The following IRS4 variants were observed in gnomAD, a reference collection of about 807,000 sequenced individuals.
The protein encoded by IRS4 is 160 kDa phosphotyrosine protein.
Under a neutral mutation model 48.6 loss-of-function variants are expected in IRS4, and 15 were observed. The observed-to-expected ratio is 0.31, with a 90% CI of 0.21 to 0.48. IRS4 has a LOEUF of 0.48. Ranked by LOEUF, IRS4 falls within the 20% of genes least tolerant of loss-of-function variation. The pLI is 0.99. For synonymous variants in IRS4, 459 were observed against 413.2 expected (o/e 1.11, Z -1.34); for missense variants, 987 against 1,023.4 (o/e 0.96, Z 0.49).
intron 1 of IRS4, among the ~76,000 whole-genome samples, chrX:108,729,129 A>G (rs1188125891): frequency 9.0e-6 from 1 of 111,384 alleles, no homozygotes; most frequent in African/African-American, 3.3e-5. Context: ...AATTTCTGCT[A>G]TATGGAAATT....
rs1160171634 is a variant in IRS4, at chrX:108,720,392, GA to G, written c.*2126del. The G allele has an allele frequency of 5.4e-5, 6 of 112,101 alleles. No homozygotes were observed. The highest frequency in any genetic ancestry group is 1.9e-4 in the African/African-American group (6 of 30,859). 9.2% of individuals were successfully genotyped at this position (112,101 alleles called of 1,213,427 possible). A position where few individuals can be genotyped will look rare whatever the true frequency, so the allele number is the denominator to read the frequency against. ...AATTGTCTGTAAACTAATAAATAAT[GA>G]GAACAAGATTGCATTTGTTATGCAG... On this transcript the variant is annotated 3_prime_UTR_variant, in exon 2 of 2. Transcript: ENST00000372129.
Position 108,721,618 on chromosome X carries a change from A to C in IRS4, c.*901T>G, listed in dbSNP as rs1190534882. 2.7e-5 allele frequency: 3 copies of C among 111,026 alleles called. No individual in the cohort carries two copies. The highest frequency in any genetic ancestry group is 5.7e-5 in the Non-Finnish European group (3 of 52,986). 9.1% of individuals were successfully genotyped at this position (111,026 alleles called of 1,213,427 possible). On this transcript the variant is annotated 3_prime_UTR_variant, in exon 2 of 2. Transcript: ENST00000372129. ...ATGGAGAAAGAATAAGAAAAAGTAG[A>C]ATAGAGGTTGAAAGTGGGGAGAGGC...
intron 1 of IRS4, chrX:108,725,764 G>C (rs765380513): frequency 2.7e-5 from 3 of 111,845 alleles, no homozygotes; most frequent in South Asian, 3.7e-4. Flanking sequence ...TTCATAGATC[G>C]GATGATAAAA....
chrX:108,729,737 A>G (rs994531241), intron 1 of IRS4, among the ~76,000 whole-genome samples: 36 of 111,988 alleles, frequency 3.2e-4, no homozygotes, highest in African/African-American at 1.2e-3. Flanking sequence ...TTACATATTA[A>G]TTTTGTGTTA....
chrX:108,721,369 CA>C lies in IRS4; in HGVS notation c.*1149del, dbSNP rs1286549529. 2 of 109,665 alleles carry C rather than the reference CA, an allele frequency of 1.8e-5. No homozygotes were observed. The highest frequency in any genetic ancestry group is 3.8e-5 in the Non-Finnish European group (2 of 52,542). 9.0% of individuals were successfully genotyped at this position (109,665 alleles called of 1,213,427 possible). ...TAATTCAGTTTACATCAGAGGCAAGCAAAAATAGAACGGGGGGGAGCTTGCT... is the reference window on the plus strand; with the variant it reads ...TAATTCAGTTTACATCAGAGGCAAGCAAAATAGAACGGGGGGGAGCTTGCT... On this transcript the variant is annotated 3_prime_UTR_variant, in exon 2 of 2. Coordinates refer to ENST00000372129, the MANE Select transcript of IRS4 (RefSeq NM_001379150.1).
chrX:108,728,249 A>G (rs1603335216), intron 1 of IRS4, among the ~76,000 whole-genome samples: 2 of 112,227 alleles, frequency 1.8e-5, no homozygotes, highest in East Asian at 5.6e-4. Context: ...CTTTTATTCT[A>G]AGAGCCAGGG....
chrX:108,735,029 C>T lies in IRS4; in HGVS notation c.1316G>A (p.Ser439Asn), dbSNP rs978644179. 1 of 1,211,982 alleles carries T rather than the reference C, an allele frequency of 8.3e-7. No individual in the cohort carries two copies. The highest frequency in any genetic ancestry group is 1.1e-6 in the Non-Finnish European group (1 of 895,591). Reference protein sequence around the residue: ...PASFFRRLAPSPARPRHPAEA... With the variant: ...PASFFRRLAPNPARPRHPAEA... ...TGCAGGGTGCCGGGGACGTGCTGGG[C>T]TGGGTGCTAAGCGGCGAAAAAAGCT... is the stretch of plus-strand genomic sequence containing the variant. The change falls in exon 1 of 2, where the codon AGC (serine) becomes AAC (asparagine). Residue 439 changes from serine to asparagine, a missense_variant. Coordinates refer to ENST00000372129, the MANE Select transcript of IRS4 (RefSeq NM_001379150.1).
chrX:108,735,565 G>C lies in IRS4; in HGVS notation c.780C>G (p.Asp260Glu). Residue 260 changes from aspartate (D) to glutamate (E), a missense_variant, in exon 1 of 2, where the codon GAC becomes GAG. By Grantham distance (45) the Asp-to-Glu change is conservative (BLOSUM62 2). This residue lies in a region of IRS4 where 20 missense variants were observed against 53.9 expected (regional missense o/e 0.37). Transcript: ENST00000372129. ...LSGVFRLCLT[D>E]EEVVFVRLNT... ...TCAGCCTCACAAACACGACCTCCTC[G>C]TCGGTTAGACACAGCCGGAACACGC... The C allele has an allele frequency of 8.3e-7, 1 of 1,209,961 alleles. No homozygotes were observed. Among genetic ancestry groups the C allele is most frequent in the Non-Finnish European group, 1.1e-6 (1 of 895,039 alleles).
intron 1 of IRS4, among the ~76,000 whole-genome samples, chrX:108,728,314 T>C (rs1476707496): frequency 8.9e-6 from 1 of 112,388 alleles, no homozygotes; most frequent in South Asian, 3.7e-4. Flanking sequence ...TCCACAGTTA[T>C]AATGCTCTGA....
rs1351516872 is a variant in IRS4 at position 108,734,894 on chromosome X, C to T, written c.1451G>A (p.Gly484Glu). Reference protein sequence around the residue: ...PQGKEDQEGSGGDYMPMNNWG... With the variant: ...PQGKEDQEGSEGDYMPMNNWG... ...ATTGTTCATAGGCATGTAGTCACCTCCGCTTCCTTCCTGATCTTCTTTGCC... is the reference window on the plus strand; with the variant it reads ...ATTGTTCATAGGCATGTAGTCACCTTCGCTTCCTTCCTGATCTTCTTTGCC... Residue 484 changes from glycine to glutamate, a missense_variant, in exon 1 of 2, where the codon GGA (glycine) becomes GAA (glutamate). Gly to Glu is a moderately conservative substitution (Grantham distance 98, BLOSUM62 -2). Transcript: ENST00000372129. The T allele has an allele frequency of 1.7e-6, 2 of 1,212,078 alleles. No individual in the cohort carries two copies. The highest frequency in any genetic ancestry group is 2.2e-6 in the Non-Finnish European group (2 of 895,622).
chrX:108,723,846 A>G (rs1488865277), intron 1 of IRS4: 3 of 112,557 alleles, frequency 2.7e-5, no homozygotes, highest in Non-Finnish European at 5.6e-5. Flanking sequence ...AGTTCTACAC[A>G]GGAAGAAAGG....
At position 108,734,492 on chromosome X, in the gene IRS4, T is replaced by A. The variant is rs200833387; in HGVS notation, c.1853A>T (p.Lys618Ile). 1 of 1,209,554 alleles carries A rather than the reference T, an allele frequency of 8.3e-7. No individual in the cohort carries two copies. The highest frequency in any genetic ancestry group is 3.0e-5 in the East Asian group (1 of 33,726). The change falls in exon 1 of 2, where the codon AAA (lysine) becomes ATA (isoleucine). Residue 618 changes from lysine (K) to isoleucine (I), a missense_variant. Physicochemically the swap from Lys to Ile is moderately radical, Grantham distance 102. Around this residue, in one of 4 missense-constraint regions of IRS4, gnomAD observed 720 missense variants for 660.3 expected, o/e 1.09. Coordinates refer to ENST00000372129, the MANE Select transcript of IRS4 (RefSeq NM_001379150.1). ...KSLKKRSYFG[K>I]LTQSKQQQMP... ...TTGCTGTTGCTTGCTTTGAGTTAATTTGCCAAAATAGGATCTTTTCTTCAG... is the reference window on the plus strand; with the variant it reads ...TTGCTGTTGCTTGCTTTGAGTTAATATGCCAAAATAGGATCTTTTCTTCAG...
At chrX:108,729,149 A>C (rs962022159) in intron 1 of IRS4, among the ~76,000 whole-genome samples, 2 of 111,492 alleles carry the variant, frequency 1.8e-5, no homozygotes, top group African/African-American at 3.3e-5. Flanking sequence ...TTTTATAATA[A>C]TTAACTTCAA....
Position 108,734,838 on chromosome X carries a change from CTCCTGAGCCCCGGCCATT to C in IRS4, c.1489_1506del (p.Asn497_Gly502del), listed in dbSNP as rs769647116. 1 of 1,210,220 alleles carries C rather than the reference CTCCTGAGCCCCGGCCATT, an allele frequency of 8.3e-7. No homozygotes were observed. Among genetic ancestry groups the C allele is most frequent in the Non-Finnish European group, 1.1e-6 (1 of 895,335 alleles). On this transcript the variant is annotated inframe_deletion, in exon 1 of 2. Coordinates refer to ENST00000372129, the MANE Select transcript of IRS4 (RefSeq NM_001379150.1). ...CCTTGGCCATTTGAGCCCTGGCCAC[CTCCTGAGCCCCGGCCATT>C]TCCTGAGCCCCAATTGTTCATAGGC... is the stretch of plus-strand genomic sequence containing the variant.
Position 108,732,760 on chromosome X carries a change from G to A in IRS4, c.3585C>T (p.Asn1195=), listed in dbSNP as rs200332407. Residue 1195 remains asparagine, a synonymous_variant, in exon 1 of 2, where the codon AAC becomes AAT. Transcript: ENST00000372129. ...CAGCCTGGTTATCACCTCTGGCAAG[G>A]TTTGCAGATGGGTTGTGGGCTCCAG... ...SNPGAHNPSA[N]LARGDNQAGG... The A allele has an allele frequency of 1.4e-4, 170 of 1,206,330 alleles. No homozygotes were observed. Among genetic ancestry groups the A allele is most frequent in the Non-Finnish European group, 1.7e-4 (156 of 892,392 alleles).
Position 108,733,736 on chromosome X carries a change from C to T in IRS4, c.2609G>A (p.Gly870Glu), listed in dbSNP as rs763248496. The part of the protein sequence containing the change: ...GEGSFSKPGD[G>E]GSPSKPSDHE... ...ATCTGAAGGCTTTGAAGGTGATCCC[C>T]CATCTCCAGGCTTTGAGAATGATCC... The change falls in exon 1 of 2, where the codon GGG becomes GAG. Residue 870 changes from glycine (G) to glutamate (E), a missense_variant. Gly to Glu is a moderately conservative substitution (Grantham distance 98, BLOSUM62 -2). Around this residue, in one of 4 missense-constraint regions of IRS4, gnomAD observed 720 missense variants for 660.3 expected, o/e 1.09. Coordinates refer to ENST00000372129, the MANE Select transcript of IRS4 (RefSeq NM_001379150.1). The T allele has an allele frequency of 9.1e-6, 11 of 1,209,856 alleles. No homozygotes were observed. The highest frequency in any genetic ancestry group is 1.1e-5 in the Non-Finnish European group (10 of 895,235).
At position 108,735,926 on chromosome X, in the gene IRS4, G is replaced by C. The variant is rs778423131; in HGVS notation, c.419C>G (p.Pro140Arg). The C allele has an allele frequency of 4.7e-5, 57 of 1,206,065 alleles. No individual in the cohort carries two copies. The East Asian group carries it at 1.4e-3, about 29-fold the overall frequency. Residue 140 changes from proline to arginine, a missense_variant, in exon 1 of 2, where the codon CCG becomes CGG. Physicochemically the swap from Pro to Arg is moderately radical, Grantham distance 103. Coordinates refer to ENST00000372129, the MANE Select transcript of IRS4 (RefSeq NM_001379150.1). The part of the protein sequence containing the change: ...AAAASGAAIP[P>R]LIPPRRVITL... ...GATCACGCGCCGCGGTGGAATGAGC[G>C]GGGGGATCGCGGCGCCAGAGGCGGC...
chrX:108,729,936 T>C (rs1268099777), intron 1 of IRS4, among the ~76,000 whole-genome samples: 1 of 112,143 alleles, frequency 8.9e-6, no homozygotes, highest in African/African-American at 3.2e-5. Flanking sequence ...GTAGCAACAA[T>C]AACAATGGCA....
Position 108,735,447 on chromosome X carries a change from T to C in IRS4, c.898A>G (p.Thr300Ala), listed in dbSNP as rs1237107171. ...CAGAGCTCTCCCGGACCGATGACAGTGGACCTGCCTACTTCCAAGAAGAAA... is the reference window on the plus strand; with the variant it reads ...CAGAGCTCTCCCGGACCGATGACAGCGGACCTGCCTACTTCCAAGAAGAAA... ...QYFFLEVGRS[T>A]VIGPGELWMQ... The change falls in exon 1 of 2, where the codon ACT becomes GCT. Residue 300 changes from threonine to alanine, a missense_variant. This residue lies in a region of IRS4 where 74 missense variants were observed against 100.4 expected (regional missense o/e 0.74). Coordinates refer to ENST00000372129, the MANE Select transcript of IRS4 (RefSeq NM_001379150.1). 1.7e-6 allele frequency: 2 copies of C among 1,211,040 alleles called. No homozygotes were observed. The highest frequency in any genetic ancestry group is 2.2e-6 in the Non-Finnish European group (2 of 895,375).
Sources: allele counts gnomAD v4.1 joint callset (sites outside exome capture counted in the v4.1 genomes callset), GRCh38; gene constraint gnomAD v4.1.1; regional missense constraint gnomAD v4.1.1; transcripts MANE v1.5; gene names NCBI Gene and HGNC (gene_info 2026-07-23, HGNC 2026-07-21).